CACNA2D3: variants seen among roughly 807,000 people sequenced by gnomAD.
CACNA2D3 encodes the protein calcium voltage-gated channel auxiliary subunit alpha2delta 3.
CACNA2D3 carries 60 observed loss-of-function variants against 160.6 expected under a neutral mutation model. The observed-to-expected ratio is 0.37, with a 90% CI of 0.30 to 0.46. The LOEUF is 0.46. Ranked by LOEUF, CACNA2D3 falls within the 20% of genes least tolerant of loss-of-function variation. The pLI is 1.00. For synonymous variants in CACNA2D3, 558 were observed against 492.9 expected (o/e 1.13, Z -1.75); for missense variants, 1,205 against 1,365.0 (o/e 0.88, Z 1.85).
In CACNA2D3 at chr3:54,648,233, A is replaced by G. The variant is rs1220571348; in HGVS notation, c.1167+5992A>G. On this transcript the variant is annotated intron_variant, in intron 11 of 37. Transcript: ENST00000474759. ...CTTATGAGTTACGAATGATTTTCAC[A>G]TTTTTAAATGTTCAAAGAAACAGTA... 2.0e-5 allele frequency among the ~76,000 whole-genome samples: 3 copies of G among 152,330 alleles called. No homozygotes were observed. The South Asian group carries it at 6.2e-4, about 32-fold the overall frequency.
intron 35 of CACNA2D3, among the ~76,000 whole-genome samples, chr3:55,027,748 G>T (rs1455847167): frequency 6.6e-6 from 1 of 152,162 alleles, no homozygotes; most frequent in Non-Finnish European, 1.5e-5. Context: ...CAGAAATTAC[G>T]CAGTAAGATC....
At chr3:54,301,873 A>G (rs2107490526) in intron 2 of CACNA2D3, among the ~76,000 whole-genome samples, 1 of 152,360 alleles carries the variant, frequency 6.6e-6, no homozygotes, top group South Asian at 2.1e-4. Context: ...TCAGGCAGAT[A>G]CATGTCTCCC....
At chr3:54,206,485 A>G (rs2107356633) in intron 2 of CACNA2D3, among the ~76,000 whole-genome samples, 1 of 152,298 alleles carries the variant, frequency 6.6e-6, no homozygotes, top group Non-Finnish European at 1.5e-5. Context: ...TTTCCAAATT[A>G]TAATGGTTCT....
intron 27 of CACNA2D3, among the ~76,000 whole-genome samples, chr3:54,931,100 C>G (rs1324086821): frequency 6.6e-6 from 1 of 151,930 alleles, no homozygotes; most frequent in Non-Finnish European, 1.5e-5. Context: ...CTTCTCAAAA[C>G]AAAACAAAAA....
chr3:54,202,170 A>G (rs908924923), intron 2 of CACNA2D3, among the ~76,000 whole-genome samples: 5 of 152,240 alleles, frequency 3.3e-5, no homozygotes, highest in Non-Finnish European at 7.4e-5. Context: ...AACGTGCAGA[A>G]CGGGAAGGGA....
At chr3:54,700,186 A>AG (rs1700742622) in intron 11 of CACNA2D3, among the ~76,000 whole-genome samples, 1 of 152,246 alleles carries the variant, frequency 6.6e-6, no homozygotes, top group Non-Finnish European at 1.5e-5. Flanking sequence ...TATAACTCCC[A>AG]GCTCACTTTC....
intron 11 of CACNA2D3, among the ~76,000 whole-genome samples, chr3:54,698,850 GTGTTT>G (rs1700713403): frequency 2.0e-5 from 3 of 152,150 alleles, no homozygotes. Flanking sequence ...CCCACCCTGT[GTGTTT>G]TCCCCAAATG....
At chr3:54,915,181 G>A (rs527379389) in intron 27 of CACNA2D3, among the ~76,000 whole-genome samples, 2 of 152,288 alleles carry the variant, frequency 1.3e-5, no homozygotes, top group African/African-American at 4.8e-5. Flanking sequence ...TTCCTGTGGG[G>A]TCAGGGATAT....
chr3:54,614,638 T>TA (rs1698811072), intron 9 of CACNA2D3, among the ~76,000 whole-genome samples: 1 of 152,170 alleles, frequency 6.6e-6, no homozygotes, highest in Non-Finnish European at 1.5e-5. Flanking sequence ...ACAGAGATAA[T>TA]AGAGTGTAAA....
At chr3:54,624,388 T>C (rs1055193028) in intron 9 of CACNA2D3, among the ~76,000 whole-genome samples, 4 of 152,294 alleles carry the variant, frequency 2.6e-5, no homozygotes, top group Non-Finnish European at 5.9e-5. Flanking sequence ...TTTGGGAGGC[T>C]GAGGCGGGTG....
intron 2 of CACNA2D3, among the ~76,000 whole-genome samples, chr3:54,167,967 AT>A (rs889150299): frequency 1.3e-5 from 2 of 151,922 alleles, no homozygotes; most frequent in East Asian, 1.9e-4. Context: ...CTTCCTTGTC[AT>A]TTTTTTTCCA....
intron 3 of CACNA2D3, among the ~76,000 whole-genome samples, chr3:54,365,516 A>G (rs757351414): frequency 4.6e-5 from 7 of 151,732 alleles, no homozygotes; most frequent in Non-Finnish European, 1.0e-4. Flanking sequence ...CATTCATCCT[A>G]TTTTCACTGA....
At chr3:54,268,063 G>T (rs1479438884) in intron 2 of CACNA2D3, among the ~76,000 whole-genome samples, 1 of 152,194 alleles carries the variant, frequency 6.6e-6, no homozygotes, top group African/African-American at 2.4e-5. Flanking sequence ...TTGGTATGTG[G>T]TTCATATTCA....
chr3:54,657,883 G>A (rs1396537743), intron 11 of CACNA2D3, among the ~76,000 whole-genome samples: 1 of 152,080 alleles, frequency 6.6e-6, no homozygotes, highest in Non-Finnish European at 1.5e-5. Context: ...ACAAAAATTA[G>A]CCTGGCATGG....
intron 4 of CACNA2D3, among the ~76,000 whole-genome samples, chr3:54,493,972 C>T (rs934859707): frequency 1.3e-5 from 2 of 152,184 alleles, no homozygotes; most frequent in Non-Finnish European, 2.9e-5. Flanking sequence ...AATACTTACT[C>T]ATTGAACCAC....
intron 11 of CACNA2D3, among the ~76,000 whole-genome samples, chr3:54,669,117 G>C (rs1375249774): frequency 6.6e-6 from 1 of 152,160 alleles, no homozygotes; most frequent in Non-Finnish European, 1.5e-5. Context: ...GAAGAGTCAG[G>C]GCTAGCTTCA....
chr3:54,353,130 A>G (rs1698592955), intron 3 of CACNA2D3, among the ~76,000 whole-genome samples: 1 of 152,170 alleles, frequency 6.6e-6, no homozygotes, highest in Admixed American at 6.5e-5. Flanking sequence ...TGTACCCATT[A>G]ACCATCCCCA....
chr3:54,723,307 A>T (rs895555355), intron 11 of CACNA2D3, among the ~76,000 whole-genome samples: 2 of 86,286 alleles, frequency 2.3e-5, no homozygotes, highest in Non-Finnish European at 4.7e-5. Flanking sequence ...ATTTCAAGCC[A>T]GTGGATCTTA....
chr3:54,405,535 T>C (rs1482920900), intron 4 of CACNA2D3, among the ~76,000 whole-genome samples: 1 of 151,928 alleles, frequency 6.6e-6, no homozygotes, highest in Non-Finnish European at 1.5e-5. Flanking sequence ...AAGAATGAAA[T>C]TGGACCCTTA....
Sources: gnomAD v4.1 joint callset for allele counts (sites outside exome capture counted in the v4.1 genomes callset) on GRCh38, gnomAD v4.1.1 for gene constraint, MANE v1.5 for transcripts, NCBI Gene and HGNC (gene_info 2026-07-23, HGNC 2026-07-21) for gene names.